Variants in ATP10A observed in about 807,000 individuals in gnomAD.
The protein encoded by ATP10A is ATPase phospholipid transporting 10A (putative).
In ATP10A, 111 loss-of-function variants were observed where a neutral mutation model predicts 147.8. That is an observed-to-expected ratio of 0.75 (90% CI 0.64 to 0.88). The LOEUF is 0.88. ATP10A is among the 40% of genes least tolerant of loss of function. The pLI, the probability that ATP10A is intolerant of heterozygous loss-of-function variation, is 0.00. For missense variants in ATP10A, 1,927 were observed against 1,959.0 expected (o/e 0.98, Z 0.31); for synonymous variants, 875 against 841.6 (o/e 1.04, Z -0.69).
intron 13 of ATP10A, among the ~76,000 whole-genome samples, chr15:25,695,435 T>C (rs914083499): frequency 2.6e-5 from 4 of 152,044 alleles, no homozygotes; most frequent in African/African-American, 9.7e-5. Context: ...AAGACCATCC[T>C]GGCTAACACG....
rs1317398516 is a variant in ATP10A, at chr15:25,714,187, G to A, written c.1831C>T (p.Arg611Trp). The A allele has an allele frequency of 2.5e-6, 4 of 1,606,434 alleles. No homozygotes were observed. The highest frequency in any genetic ancestry group is 2.2e-5 in the South Asian group (2 of 91,082). ...GTCAGGCAGCTGGGTGTGAACCTCC[G>A]CAGGAAGTCTTCTATCGTCTTCACC... ...SPVKTIEDFLRRFTPSCLTSG... is the reference protein window; with the variant it reads ...SPVKTIEDFLWRFTPSCLTSG... Residue 611 changes from arginine (R) to tryptophan (W), a missense_variant, in exon 10 of 21, where the codon CGG becomes TGG. Transcript: ENST00000555815.
chr15:25,830,794 T>C (rs1892321119), intron 1 of ATP10A, among the ~76,000 whole-genome samples: 2 of 152,232 alleles, frequency 1.3e-5, no homozygotes, highest in African/African-American at 4.8e-5. Context: ...CAAGTGGCTT[T>C]AGTAAACGTG....
intron 1 of ATP10A, among the ~76,000 whole-genome samples, chr15:25,803,509 C>T (rs990415200): frequency 6.6e-6 from 1 of 152,192 alleles, no homozygotes; most frequent in Non-Finnish European, 1.5e-5. Context: ...AAATGAGGAG[C>T]CCAAGTTGCT....
intron 12 of ATP10A, among the ~76,000 whole-genome samples, chr15:25,705,922 G>A (rs1001265193): frequency 2.6e-5 from 4 of 152,186 alleles, no homozygotes; most frequent in African/African-American, 7.2e-5. Context: ...GAGTTCCATC[G>A]CTGACACATC....
intron 3 of ATP10A, among the ~76,000 whole-genome samples, chr15:25,729,769 T>A (rs1902839169): frequency 6.6e-6 from 1 of 152,254 alleles, no homozygotes; most frequent in South Asian, 2.1e-4. Context: ...AGGGCAGTCC[T>A]CCATGCCACA....
intron 1 of ATP10A, among the ~76,000 whole-genome samples, chr15:25,815,861 T>A (rs12905404): frequency 6.6e-6 from 1 of 151,834 alleles, no homozygotes; most frequent in East Asian, 1.9e-4. Flanking sequence ...AGTATCTTTG[T>A]GTTTTAATTG....
intron 1 of ATP10A, among the ~76,000 whole-genome samples, chr15:25,803,943 G>A (rs1891052952): frequency 1.3e-5 from 2 of 152,224 alleles, no homozygotes; most frequent in African/African-American, 4.8e-5. Flanking sequence ...GTATTCACAT[G>A]AGTGTGTGTG....
At chr15:25,684,878 C>A (rs528654455) in intron 16 of ATP10A, among the ~76,000 whole-genome samples, 1 of 152,312 alleles carries the variant, frequency 6.6e-6, no homozygotes, top group Non-Finnish European at 1.5e-5. Context: ...AAATAACCCA[C>A]CATGCCACAC....
At chr15:25,685,642 G>A (rs987336410) in intron 16 of ATP10A, among the ~76,000 whole-genome samples, 2 of 152,014 alleles carry the variant, frequency 1.3e-5, no homozygotes, top group Non-Finnish European at 2.9e-5. Context: ...ACCAGCCTGG[G>A]CAACATAGCG....
chr15:25,730,314 AAAAAAAAAAAAAAAG>A (rs1838693405), intron 3 of ATP10A, among the ~76,000 whole-genome samples: 1 of 2,624 alleles, frequency 3.8e-4, no homozygotes, highest in African/African-American at 1.2e-3. Context: ...AAAAAAAAAA[AAAAAAAAAAAAAAAG>A]AAGAAAGAAA....
In ATP10A at chr15:25,721,374, G is replaced by A. The variant is rs183676249; in HGVS notation, c.1363+283C>T. 3.2e-4 allele frequency among the ~76,000 whole-genome samples: 48 copies of A among 152,294 alleles called. No individual in the cohort carries two copies. The East Asian group carries it at 8.5e-3, about 27-fold the overall frequency. On this transcript the variant is annotated intron_variant, in intron 7 of 20. Transcript: ENST00000555815. Reference sequence around the variant, plus strand: ...GATGCCTTGGGAGTGAGCTCCTTGCGGGTGGCTTGCCTGATTGCTTAGGCG... The same window carrying A: ...GATGCCTTGGGAGTGAGCTCCTTGCAGGTGGCTTGCCTGATTGCTTAGGCG...
At chr15:25,682,873 G>A (rs1899499971) in intron 17 of ATP10A, among the ~76,000 whole-genome samples, 3 of 152,190 alleles carry the variant, frequency 2.0e-5, no homozygotes, top group African/African-American at 7.2e-5. Context: ...GAATCTATGT[G>A]GTATATTAAT....
chr15:25,747,287 CAAA>C lies in ATP10A; in HGVS notation c.655-11149_655-11147del, dbSNP rs34660034. 2.0e-3 allele frequency among the ~76,000 whole-genome samples: 231 copies of C among 113,216 alleles called. 2 individuals are homozygous for C. The highest frequency in any genetic ancestry group is 0.014 in the Middle Eastern group (3 of 208). The allele number at this position is 113,216 out of a possible 152,430, so 74.3% of individuals were successfully genotyped here. A position where few individuals can be genotyped will look rare whatever the true frequency, so the allele number is the denominator to read the frequency against. ...GGGCAACAAGAGCAAAACTCCATCT[CAAA>C]AAAAAAAAAAAAAAAAGAAAAAGAA... On this transcript the variant is annotated intron_variant, in intron 2 of 20. Coordinates refer to ENST00000555815, the MANE Select transcript of ATP10A (RefSeq NM_024490.4).
intron 3 of ATP10A, among the ~76,000 whole-genome samples, chr15:25,734,122 GACAGTGGCTGAGCAAT>G (rs1887125610): frequency 6.6e-6 from 1 of 152,190 alleles, no homozygotes; most frequent in Non-Finnish European, 1.5e-5. Flanking sequence ...CACTGCTAGA[GACAGTGGCTGAGCAAT>G]ACAATGCTCC....
chr15:25,731,590 C>T (rs966339525), intron 3 of ATP10A, among the ~76,000 whole-genome samples: 1 of 152,160 alleles, frequency 6.6e-6, no homozygotes, highest in Non-Finnish European at 1.5e-5. Context: ...GCCAGGCCTC[C>T]ATTCCCAGGA....
intron 1 of ATP10A, among the ~76,000 whole-genome samples, chr15:25,843,754 G>A (rs1013957581): frequency 1.3e-5 from 2 of 152,162 alleles, no homozygotes; most frequent in South Asian, 4.1e-4. Context: ...ACTCCCATCT[G>A]AGCTATCTGG....
Position 25,862,887 on chromosome 15 carries a change from C to G in ATP10A, c.210G>C (p.Thr70=). ...ADNRLKTTKY[T]LLSFLPKNLF... ...GGTTCTTGGGCAGGAAGGACAGCAG[C>G]GTGTACTTGGTAGTCTTGAGCCGGT... is the stretch of plus-strand genomic sequence containing the variant. Residue 70 remains threonine (T), a synonymous_variant, in exon 1 of 21, where the codon ACG becomes ACC. Coordinates refer to ENST00000555815, the MANE Select transcript of ATP10A (RefSeq NM_024490.4). The G allele has an allele frequency of 1.2e-6, 2 of 1,612,008 alleles. No individual in the cohort carries two copies. Among genetic ancestry groups the G allele is most frequent in the Non-Finnish European group, 1.7e-6 (2 of 1,179,326 alleles).
chr15:25,747,356 C>T (rs1342479442), intron 2 of ATP10A, among the ~76,000 whole-genome samples: 1 of 150,330 alleles, frequency 6.7e-6, no homozygotes, highest in Non-Finnish European at 1.5e-5. Context: ...TGGGATATTG[C>T]TTGCTTTCGG....
chr15:25,800,637 T>C (rs1476009756), intron 1 of ATP10A, among the ~76,000 whole-genome samples: 1 of 152,034 alleles, frequency 6.6e-6, no homozygotes, highest in Non-Finnish European at 1.5e-5. Flanking sequence ...GCAAAGTGAG[T>C]TTACGGAGGT....
Sources: gnomAD v4.1 joint callset for allele counts (sites outside exome capture counted in the v4.1 genomes callset) on GRCh38, gnomAD v4.1.1 for gene constraint, MANE v1.5 for transcripts, NCBI Gene and HGNC (gene_info 2026-07-23, HGNC 2026-07-21) for gene names.